Variants in CCDC102B observed in about 807,000 individuals in gnomAD.
The protein encoded by CCDC102B is coiled-coil domain containing 102B.
CCDC102B carries 75 observed loss-of-function variants against 57.4 expected under a neutral mutation model. The observed-to-expected ratio is 1.31, with a 90% CI of 1.08 to 1.58. The LOEUF is 1.58. CCDC102B is among the 40% of genes most tolerant of loss of function. The pLI, the probability that CCDC102B is intolerant of heterozygous loss-of-function variation, is 0.00. For missense variants in CCDC102B, 636 were observed against 582.6 expected, an observed-to-expected ratio of 1.09 and a Z score of -0.94; for synonymous variants, 206 against 201.9, an observed-to-expected ratio of 1.02 and a Z score of -0.17.
At chr18:68,918,495 A>G (rs190919852) in intron 6 of CCDC102B, among the ~76,000 whole-genome samples, 37 of 152,312 alleles carry the variant, frequency 2.4e-4, no homozygotes, top group African/African-American at 8.7e-4. Context: ...CATCAGAGAC[A>G]ATTAAATGTA....
chr18:68,976,924 T>A (rs1388370734), intron 6 of CCDC102B, among the ~76,000 whole-genome samples: 1 of 152,030 alleles, frequency 6.6e-6, no homozygotes, highest in African/African-American at 2.4e-5. Flanking sequence ...CTAATTAATT[T>A]AGAGATTGGA....
intron 7 of CCDC102B, among the ~76,000 whole-genome samples, chr18:69,021,481 T>C (rs1438440060): frequency 6.6e-6 from 1 of 152,194 alleles, no homozygotes; most frequent in African/African-American, 2.4e-5. Flanking sequence ...AGCCGGTTCA[T>C]GTAATATTTA....
At chr18:68,806,827 A>G (rs971289637) in intron 1 of CCDC102B, among the ~76,000 whole-genome samples, 1 of 152,208 alleles carries the variant, frequency 6.6e-6, no homozygotes, top group Non-Finnish European at 1.5e-5. Context: ...TATTAATGAG[A>G]TAGTTTACAT....
At chr18:68,768,926 G>C (rs1267031152) in intron 2 of CCDC102B, among the ~76,000 whole-genome samples, 3 of 152,096 alleles carry the variant, frequency 2.0e-5, no homozygotes, top group African/African-American at 7.2e-5. Context: ...CTAGAAGAAA[G>C]GGGAATGAGG....
chr18:68,832,883 A>G (rs188728724), intron 1 of CCDC102B, among the ~76,000 whole-genome samples: 149 of 152,048 alleles, frequency 9.8e-4, no homozygotes, highest in African/African-American at 3.3e-3. Context: ...GACACAGGGG[A>G]TGTGGAAGAT....
intron 7 of CCDC102B, among the ~76,000 whole-genome samples, chr18:69,018,682 A>G (rs996776299): frequency 2.0e-5 from 3 of 152,110 alleles, no homozygotes; most frequent in Non-Finnish European, 4.4e-5. Context: ...AACCCTTTAT[A>G]AGTTATATGG....
intron 1 of CCDC102B, among the ~76,000 whole-genome samples, chr18:68,833,867 C>T (rs897795903): frequency 6.6e-6 from 1 of 152,064 alleles, no homozygotes; most frequent in Admixed American, 6.6e-5. Context: ...AGCATTTTTA[C>T]AATGCAAAAA....
At position 69,014,861 on chromosome 18, in the gene CCDC102B, C is replaced by T. The variant is rs148076013; in HGVS notation, c.1434+3757C>T. 4.4e-3 allele frequency among the ~76,000 whole-genome samples: 663 copies of T among 151,660 alleles called. 4 individuals are homozygous for T. Among genetic ancestry groups the T allele is most frequent in the African/African-American group, 0.015 (626 of 41,308 alleles). On this transcript the variant is annotated intron_variant, in intron 7 of 7. Transcript: ENST00000360242. ...GGCTAATGCCATGTTTGGAACGTTG[C>T]TTGGGTACCTTGGTGAGGGAGTAAA... is the stretch of plus-strand genomic sequence containing the variant.
chr18:68,742,722 A>T (rs2033444694), intron 2 of CCDC102B, among the ~76,000 whole-genome samples: 1 of 152,154 alleles, frequency 6.6e-6, no homozygotes, highest in Admixed American at 6.5e-5. Flanking sequence ...GATTTTTGCC[A>T]TTACTAACCA....
intron 3 of CCDC102B, among the ~76,000 whole-genome samples, chr18:68,844,378 C>A (rs964182710): frequency 2.0e-5 from 3 of 151,650 alleles, no homozygotes; most frequent in Admixed American, 6.6e-5. Context: ...TAATTAAAAT[C>A]TTTTATAAAA....
chr18:68,913,435 T>G (rs2040950603), intron 6 of CCDC102B, among the ~76,000 whole-genome samples: 1 of 150,926 alleles, frequency 6.6e-6, no homozygotes, highest in African/African-American at 2.4e-5. Context: ...TCACCTGAGG[T>G]CAAGAGTTCC....
intron 4 of CCDC102B, among the ~76,000 whole-genome samples, chr18:68,874,168 GTA>G (rs1269905573): frequency 6.8e-4 from 56 of 82,194 alleles, no homozygotes; most frequent in Middle Eastern, 6.9e-3. Context: ...CAGTGTGTGT[GTA>G]TGTGTGTGTG....
chr18:68,923,825 C>CAGGAGAAAGA, intron 6 of CCDC102B, among the ~76,000 whole-genome samples: 1 of 152,008 alleles, frequency 6.6e-6, no homozygotes, highest in Non-Finnish European at 1.5e-5. Flanking sequence ...ACATGGTTAG[C>CAGGAGAAAGA]CTGCATTTGC....
At chr18:69,032,682 C>T (rs565424607) in intron 7 of CCDC102B, among the ~76,000 whole-genome samples, 1 of 152,278 alleles carries the variant, frequency 6.6e-6, no homozygotes, top group African/African-American at 2.4e-5. Context: ...AATACTTCTA[C>T]TGCAAGTGAT....
chr18:68,919,634 C>T (rs191084071), intron 6 of CCDC102B, among the ~76,000 whole-genome samples: 7 of 152,220 alleles, frequency 4.6e-5, no homozygotes, highest in African/African-American at 1.7e-4. Flanking sequence ...ACAGTATGAA[C>T]TTGAACTCTG....
At chr18:68,846,946 CT>C (rs2037893288) in intron 4 of CCDC102B, among the ~76,000 whole-genome samples, 1 of 151,746 alleles carries the variant, frequency 6.6e-6, no homozygotes, top group Non-Finnish European at 1.5e-5. Context: ...TGCCAGGGTA[CT>C]TTTCTTTTGC....
intron 1 of CCDC102B, among the ~76,000 whole-genome samples, chr18:68,807,713 C>A (rs2036083039): frequency 6.6e-6 from 1 of 152,012 alleles, no homozygotes; most frequent in South Asian, 2.1e-4. Flanking sequence ...TTTACTAAGA[C>A]AAACAACTAT....
At chr18:68,935,311 C>G (rs979037015) in intron 6 of CCDC102B, among the ~76,000 whole-genome samples, 1 of 151,756 alleles carries the variant, frequency 6.6e-6, no homozygotes, top group Non-Finnish European at 1.5e-5. Flanking sequence ...AGAAGATGTG[C>G]TGATGGATGA....
chr18:68,743,990 T>G (rs1396741641), intron 2 of CCDC102B, among the ~76,000 whole-genome samples: 1 of 152,254 alleles, frequency 6.6e-6, no homozygotes, highest in Non-Finnish European at 1.5e-5. Flanking sequence ...TTTTGGATTT[T>G]GAAGTCTTTG....
Sources: gnomAD v4.1 joint callset for allele counts (sites outside exome capture counted in the v4.1 genomes callset) on GRCh38, gnomAD v4.1.1 for gene constraint, MANE v1.5 for transcripts, NCBI Gene and HGNC (gene_info 2026-07-23, HGNC 2026-07-21) for gene names.